The following PCBD2 variants were observed in gnomAD, a reference collection of about 807,000 sequenced individuals.
The protein encoded by PCBD2 is pterin-4 alpha-carbinolamine dehydratase 2.
Under a neutral mutation model 16.4 loss-of-function variants are expected in PCBD2, and 12 were observed. That is an observed-to-expected ratio of 0.73 (90% CI 0.47 to 1.19). The LOEUF (loss-of-function observed/expected upper bound fraction) is 1.19. Among genes scored for constraint, PCBD2 ranks in the 50% most tolerant of loss-of-function variants. The probability of loss-of-function intolerance (pLI) is 0.00; values close to 1 mark genes in which losing one functional copy is unlikely to be tolerated. For missense variants in PCBD2, 138 were observed against 156.8 expected (o/e 0.88, Z 0.64); for synonymous variants, 58 against 61.8 (o/e 0.94, Z 0.29).
intron 2 of PCBD2, among the ~76,000 whole-genome samples, chr5:134,914,572 G>T (rs1750804997): frequency 6.6e-6 from 1 of 152,194 alleles, no homozygotes; most frequent in African/African-American, 2.4e-5. Context: ...GGAAAAAAGG[G>T]AGGGACAGAA....
At chr5:134,941,376 A>G (rs962581130) in intron 2 of PCBD2, among the ~76,000 whole-genome samples, 2 of 152,152 alleles carry the variant, frequency 1.3e-5, no homozygotes, top group African/African-American at 2.4e-5. Flanking sequence ...TAATGTTTCC[A>G]CTGGGAGTTG....
rs1580874011 is a variant in PCBD2 at position 134,905,466 on chromosome 5, C to T, written c.84+243C>T. 1.9e-5 allele frequency: 7 copies of T among 362,628 alleles called. No individual in the cohort carries two copies. The South Asian group carries it at 1.0e-3, about 53-fold the overall frequency. The allele number at this position is 362,628 out of a possible 1,614,324, so 22.5% of individuals were successfully genotyped here. The stretch of plus-strand genomic sequence containing the variant: ...TTACACTTCCGCCGAAGCCTACGAA[C>T]TTGCCAACCGGAAACAAATGGGAAC... On this transcript the variant is annotated intron_variant, in intron 1 of 3. Transcript: ENST00000254908.
chr5:134,946,776 A>G (rs1459610899), intron 2 of PCBD2, among the ~76,000 whole-genome samples: 3 of 152,162 alleles, frequency 2.0e-5, no homozygotes, highest in South Asian at 4.1e-4. Flanking sequence ...GCTGCCCCAC[A>G]GATGATGGGG....
chr5:134,948,846 T>C (rs148137415), intron 2 of PCBD2, among the ~76,000 whole-genome samples: 136 of 152,254 alleles, frequency 8.9e-4, no homozygotes, highest in African/African-American at 2.9e-3. Flanking sequence ...AAAAATGTAC[T>C]TATTACCATG....
intron 2 of PCBD2, among the ~76,000 whole-genome samples, chr5:134,922,613 A>G (rs1199327951): frequency 6.6e-6 from 1 of 152,190 alleles, no homozygotes; most frequent in South Asian, 2.1e-4. Context: ...TAAACAAAGA[A>G]AAAAGTTAAT....
At chr5:134,917,206 A>G (rs1750843876) in intron 2 of PCBD2, among the ~76,000 whole-genome samples, 1 of 152,270 alleles carries the variant, frequency 6.6e-6, no homozygotes, top group Non-Finnish European at 1.5e-5. Flanking sequence ...AAGTAGGTGC[A>G]GAAGGTGAGG....
chr5:134,921,410 A>C (rs1750901845), intron 2 of PCBD2, among the ~76,000 whole-genome samples: 1 of 152,052 alleles, frequency 6.6e-6, no homozygotes, highest in African/African-American at 2.4e-5. Flanking sequence ...AAGATCTGGT[A>C]TGTGGTTGTA....
chr5:134,910,802 A>G (rs1461229745), intron 2 of PCBD2, among the ~76,000 whole-genome samples: 1 of 152,084 alleles, frequency 6.6e-6, no homozygotes, highest in South Asian at 2.1e-4. Context: ...ATTGATTATT[A>G]TTTTTTGAGA....
intron 2 of PCBD2, among the ~76,000 whole-genome samples, chr5:134,938,782 T>C (rs887490037): frequency 3.9e-4 from 59 of 152,312 alleles, no homozygotes; most frequent in African/African-American, 1.3e-3. Context: ...TTTTAAAATA[T>C]TGCATTAAAA....
At chr5:134,913,719 G>A (rs960570389) in intron 2 of PCBD2, among the ~76,000 whole-genome samples, 4 of 152,224 alleles carry the variant, frequency 2.6e-5, no homozygotes, top group Non-Finnish European at 5.9e-5. Context: ...TGTTGCAGAT[G>A]TCTAGACCGG....
intron 2 of PCBD2, chr5:134,925,281 G>A (rs1489139158): frequency 2.0e-5 from 8 of 398,492 alleles, no homozygotes; most frequent in African/African-American, 1.6e-4. Context: ...CGATGATGTG[G>A]TCTTTGGAGT....
chr5:134,921,380 G>A (rs1750901539), intron 2 of PCBD2, among the ~76,000 whole-genome samples: 1 of 152,162 alleles, frequency 6.6e-6, no homozygotes, highest in Non-Finnish European at 1.5e-5. Flanking sequence ...TGGAGAAGGG[G>A]AGTTTTGAGT....
intron 2 of PCBD2, among the ~76,000 whole-genome samples, chr5:134,948,682 G>A (rs1751326390): frequency 6.6e-6 from 1 of 150,602 alleles, no homozygotes; most frequent in Non-Finnish European, 1.5e-5. Context: ...TGGCTGTGTA[G>A]GCTATTATGG....
intron 2 of PCBD2, among the ~76,000 whole-genome samples, chr5:134,950,417 C>G (rs948785361): frequency 6.6e-6 from 1 of 152,136 alleles, no homozygotes; most frequent in Non-Finnish European, 1.5e-5. Flanking sequence ...AGTCTTAGAA[C>G]TTTAATAAAT....
At chr5:134,913,832 G>A (rs550617679) in intron 2 of PCBD2, among the ~76,000 whole-genome samples, 3 of 152,286 alleles carry the variant, frequency 2.0e-5, no homozygotes, top group African/African-American at 7.2e-5. Flanking sequence ...ATGATTGGAT[G>A]TGTGATAGGG....
intron 2 of PCBD2, among the ~76,000 whole-genome samples, chr5:134,958,022 A>T (rs921069859): frequency 6.6e-6 from 1 of 152,248 alleles, no homozygotes; most frequent in Non-Finnish European, 1.5e-5. Context: ...TCCCAAAAAC[A>T]TGGCTTGACT....
intron 2 of PCBD2, among the ~76,000 whole-genome samples, chr5:134,912,640 T>A (rs1269239748): frequency 1.3e-5 from 2 of 152,132 alleles, no homozygotes; most frequent in East Asian, 3.8e-4. Flanking sequence ...GAGAGGAGGA[T>A]GTTTGGTATT....
chr5:134,923,370 T>C, intron 2 of PCBD2: 1 of 180,978 alleles, frequency 5.5e-6, no homozygotes, highest in Non-Finnish European at 1.1e-5. Flanking sequence ...GAGGATGTCT[T>C]TGATTGTGTA....
At chr5:134,942,798 A>T (rs1379046586) in intron 2 of PCBD2, among the ~76,000 whole-genome samples, 2 of 152,156 alleles carry the variant, frequency 1.3e-5, no homozygotes, top group Non-Finnish European at 2.9e-5. Context: ...TGGGAAATGC[A>T]GCCCAGCCAA....
Sources: allele counts gnomAD v4.1 joint callset (sites outside exome capture counted in the v4.1 genomes callset), GRCh38; gene constraint gnomAD v4.1.1; transcripts MANE v1.5; gene names NCBI Gene and HGNC (gene_info 2026-07-23, HGNC 2026-07-21).